The following CP variants were observed in gnomAD, a reference collection of about 807,000 sequenced individuals.
CP encodes the protein caeruloplasmin.
A neutral mutation model predicts 122.4 loss-of-function variants in CP; 64 were observed. The observed-to-expected ratio is 0.52, with a 90% CI of 0.43 to 0.64. CP has a LOEUF of 0.64. Among genes scored for constraint, CP ranks in the 30% least tolerant of loss-of-function variants. The pLI is 0.00. For missense variants in CP, 1,167 were observed against 1,284.4 expected (o/e 0.91, Z 1.40); for synonymous variants, 440 against 436.4 (o/e 1.01, Z -0.10).
chr3:149,218,891 A>G (rs1282448745), intron 1 of CP, among the ~76,000 whole-genome samples: 4 of 152,130 alleles, frequency 2.6e-5, no homozygotes, highest in East Asian at 1.9e-4. Flanking sequence ...CCTAAAATTC[A>G]TATTACACTC....
rs987973546 is a variant in CP at position 149,202,456 on chromosome 3, G to A, written c.1209-215C>T. 3.9e-5 allele frequency among the ~76,000 whole-genome samples: 6 copies of A among 152,068 alleles called. No homozygotes were observed. In the East Asian group the frequency reaches 1.2e-3, roughly 29 times the overall value. ...CAGTTAAGAAGTAGAGAATCATGGA[G>A]GATGTTTATTTTTTCAAGTGAAGAG... On this transcript the variant is annotated intron_variant, in intron 6 of 18. Coordinates refer to ENST00000264613, the MANE Select transcript of CP (RefSeq NM_000096.4).
At chr3:149,201,999 C>A in intron 7 of CP, 103 bp downstream of exon 7, 1 of 1,438,014 alleles carries the variant, frequency 7.0e-7, no homozygotes. Flanking sequence ...GCCTACTTAA[C>A]ACATAGAAAT....
intron 9 of CP, among the ~76,000 whole-genome samples, chr3:149,189,435 T>A (rs1726397666): frequency 6.7e-6 from 1 of 149,562 alleles, no homozygotes. Flanking sequence ...GCTCCTGTAG[T>A]CCCAGCTACT....
At chr3:149,184,879 A>C (rs556593876) in intron 12 of CP, among the ~76,000 whole-genome samples, 1 of 152,352 alleles carries the variant, frequency 6.6e-6, no homozygotes, top group South Asian at 2.1e-4. Context: ...AAAAATAAGC[A>C]ACAAACAGTT....
chr3:149,192,279 C>T (rs1261676710), intron 9 of CP, among the ~76,000 whole-genome samples: 1 of 152,000 alleles, frequency 6.6e-6, no homozygotes, highest in African/African-American at 2.4e-5. Flanking sequence ...AAAGGTGACA[C>T]TTCAAATCAG....
intron 1 of CP, among the ~76,000 whole-genome samples, chr3:149,215,269 T>C (rs904813647): frequency 2.0e-5 from 3 of 152,268 alleles, no homozygotes; most frequent in African/African-American, 4.8e-5. Context: ...AAAATGATTT[T>C]ATTGCATTGA....
chr3:149,188,268 T>G, intron 9 of CP, 66 bp from the exon 10 acceptor site: 10 of 1,318,700 alleles, frequency 7.6e-6, no homozygotes, highest in African/African-American at 1.5e-5. Context: ...ATGTGCACAA[T>G]ACTATTTATG....
At chr3:149,185,113 G>T in intron 12 of CP, 126 bp downstream of exon 12, 2 of 774,436 alleles carry the variant, frequency 2.6e-6, no homozygotes, top group Non-Finnish European at 4.4e-6. Flanking sequence ...TGTTGTTGTT[G>T]TTGTTGTTGT....
chr3:149,168,279 T>C (rs1724628702), downstream of CP: 1 of 333,176 alleles, frequency 3.0e-6, no homozygotes, highest in Non-Finnish European at 5.6e-6. Context: ...ATTAAGGCAA[T>C]TACATCTTTT....
At chr3:149,210,727 C>T (rs1728052159) in intron 2 of CP, among the ~76,000 whole-genome samples, 1 of 152,014 alleles carries the variant, frequency 6.6e-6, no homozygotes, top group African/African-American at 2.4e-5. Flanking sequence ...TTTTTGCCCA[C>T]GAAGTAACCA....
At chr3:149,163,963 C>A in intron 5 of CP, 1 of 1,229,556 alleles carries the variant, frequency 8.1e-7, no homozygotes, top group Non-Finnish European at 1.2e-6. Context: ...AGTAAAAATA[C>A]CTCCTTTTCT....
chr3:149,188,118 A>G lies in CP; in HGVS notation c.1798T>C (p.Phe600Leu). The G allele has an allele frequency of 6.2e-7, 1 of 1,612,734 alleles. No individual in the cohort carries two copies. Among genetic ancestry groups the G allele is most frequent in the Non-Finnish European group, 8.5e-7 (1 of 1,179,774 alleles). Residue 600 changes from phenylalanine to leucine, a missense_variant, in exon 10 of 19, where the codon TTT (phenylalanine) becomes CTT (leucine). Around this residue, in one of 2 missense-constraint regions of CP, gnomAD observed 525 missense variants for 657.2 expected, o/e 0.80. Coordinates refer to ENST00000264613, the MANE Select transcript of CP (RefSeq NM_000096.4). ...SLLLEDNIRM[F>L]TTAPDQVDKE... ...TCCACCTGATCAGGTGCAGTTGTAA[A>G]CATTCTAATATTATCTTCCAGGAGT...
chr3:149,201,484 T>TTC, intron 7 of CP, among the ~76,000 whole-genome samples: 1 of 152,146 alleles, frequency 6.6e-6, no homozygotes, highest in East Asian at 1.9e-4. Context: ...CACAACTTAG[T>TTC]TATCTATTTA....
chr3:149,189,923 G>A (rs1427010449), intron 9 of CP, among the ~76,000 whole-genome samples: 15 of 152,136 alleles, frequency 9.9e-5, no homozygotes. Context: ...ATGAAATACT[G>A]AGATTTGGTA....
intron 4 of CP, 50 bp downstream of exon 4, chr3:149,209,161 A>G: frequency 6.2e-7 from 1 of 1,609,742 alleles, no homozygotes; most frequent in Non-Finnish European, 8.5e-7. Context: ...AGCAGAATTA[A>G]TGGATCAAGG....
chr3:149,204,396 C>T (rs1727558594), intron 6 of CP, among the ~76,000 whole-genome samples: 1 of 152,130 alleles, frequency 6.6e-6, no homozygotes, highest in East Asian at 1.9e-4. Context: ...AGTAGACAGC[C>T]TTCAGAGATA....
intron 12 of CP, 54 bp downstream of exon 12, chr3:149,185,185 A>C: frequency 3.1e-6 from 5 of 1,589,330 alleles, no homozygotes; most frequent in Non-Finnish European, 4.3e-6. Flanking sequence ...TACTTCTCTG[A>C]AAAGGAAACC....
intron 16 of CP, among the ~76,000 whole-genome samples, 180 bp downstream of exon 16, chr3:149,178,235 T>C (rs764346500): frequency 6.6e-6 from 1 of 152,168 alleles, no homozygotes; most frequent in Non-Finnish European, 1.5e-5. Context: ...GAAAATAAAT[T>C]AGCAAATGAT....
intron 5 of CP, among the ~76,000 whole-genome samples, chr3:149,165,379 AT>A (rs1423011503): frequency 6.6e-6 from 1 of 152,196 alleles, no homozygotes; most frequent in Non-Finnish European, 1.5e-5. Flanking sequence ...GTTTTAAAAT[AT>A]TTTAAAAGGA....
Sources: allele counts gnomAD v4.1 joint callset (sites outside exome capture counted in the v4.1 genomes callset), GRCh38; gene constraint gnomAD v4.1.1; regional missense constraint gnomAD v4.1.1; transcripts MANE v1.5; gene names NCBI Gene and HGNC (gene_info 2026-07-23, HGNC 2026-07-21).